The following RAB11FIP4 variants were observed in gnomAD, a reference collection of about 807,000 sequenced individuals.
The protein encoded by RAB11FIP4 is RAB11 family interacting protein 4.
In RAB11FIP4, 23 loss-of-function variants were observed where a neutral mutation model predicts 74.3. The observed-to-expected ratio is 0.31, with a 90% CI of 0.22 to 0.44. The LOEUF (loss-of-function observed/expected upper bound fraction) is 0.44, where lower values mean the gene tolerates loss of function less well. RAB11FIP4 is among the 20% of genes least tolerant of loss of function. The probability of loss-of-function intolerance (pLI) is 1.00; values close to 1 mark genes in which losing one functional copy is unlikely to be tolerated. For missense variants in RAB11FIP4, 630 were observed against 863.9 expected (o/e 0.73, Z 3.39); for synonymous variants, 360 against 359.9 (o/e 1.00, Z 0.00).
chr17:31,464,863 C>T (rs1186883992), intron 3 of RAB11FIP4, among the ~76,000 whole-genome samples: 1 of 147,976 alleles, frequency 6.8e-6, no homozygotes, highest in Non-Finnish European at 1.5e-5. Flanking sequence ...CAGGCTCAGG[C>T]AATAGTCCCA....
Position 31,527,462 on chromosome 17 carries a change from G to C in RAB11FIP4, c.1275-380G>C, listed in dbSNP as rs186493738. The C allele has an allele frequency of 2.3e-3, 409 of 177,306 alleles. 1 individual carries two copies. The highest frequency in any genetic ancestry group is 6.2e-3 in the Admixed American group (100 of 16,178). 11.0% of individuals were successfully genotyped at this position (177,306 alleles called of 1,614,324 possible). A position where few individuals can be genotyped will look rare whatever the true frequency, so the allele number is the denominator to read the frequency against. ...CTAAAAATACACAAATTAGCTAGGC[G>C]TGGTGGTGCATGCCTCTAATCCCAG... is the stretch of plus-strand genomic sequence containing the variant. On this transcript the variant is annotated intron_variant, in intron 10 of 14. Coordinates refer to ENST00000621161, the MANE Select transcript of RAB11FIP4 (RefSeq NM_032932.6).
chr17:31,495,593 C>T (rs570307943), intron 3 of RAB11FIP4, among the ~76,000 whole-genome samples: 12 of 152,144 alleles, frequency 7.9e-5, no homozygotes, highest in African/African-American at 2.6e-4. Context: ...AACTTCTAGG[C>T]GCAAGCAATC....
chr17:31,404,695 A>C (rs2071026844), intron 1 of RAB11FIP4, among the ~76,000 whole-genome samples: 1 of 152,188 alleles, frequency 6.6e-6, no homozygotes, highest in African/African-American at 2.4e-5. Flanking sequence ...GAGGGTATAC[A>C]GATGAGTAAG....
intron 1 of RAB11FIP4, among the ~76,000 whole-genome samples, chr17:31,422,413 T>C (rs577712456): frequency 1.3e-5 from 2 of 152,376 alleles, no homozygotes; most frequent in South Asian, 4.1e-4. Context: ...AGATTTTCTA[T>C]CTAACTGGTT....
chr17:31,437,587 C>T (rs933648822), intron 3 of RAB11FIP4, among the ~76,000 whole-genome samples: 2 of 152,190 alleles, frequency 1.3e-5, no homozygotes, highest in Admixed American at 6.5e-5. Context: ...GGATGGCAGG[C>T]GCTCCATCCC....
At chr17:31,394,794 G>A (rs2070911825) in intron 1 of RAB11FIP4, among the ~76,000 whole-genome samples, 2 of 152,088 alleles carry the variant, frequency 1.3e-5, no homozygotes, top group South Asian at 4.1e-4. Context: ...GGGCCCCGAG[G>A]CACTTGTAGG....
rs769732414 is a variant in RAB11FIP4, at chr17:31,523,575, C to T, written c.993C>T (p.Asp331=). The T allele has an allele frequency of 2.2e-5, 36 of 1,614,010 alleles. No individual in the cohort carries two copies. The highest frequency in any genetic ancestry group is 3.0e-5 in the Non-Finnish European group (35 of 1,180,000). ...GCAGCACCGAAGACCTGTTCCGGGA[C>T]AGCATTGACTCTTGCGACAATGACA... The part of the protein sequence containing the change: ...SNGSTEDLFR[D]SIDSCDNDIT... Residue 331 remains aspartate, a synonymous_variant, in exon 8 of 15, where the codon GAC becomes GAT. Coordinates refer to ENST00000621161, the MANE Select transcript of RAB11FIP4 (RefSeq NM_032932.6).
chr17:31,525,200 A>G lies in RAB11FIP4; in HGVS notation c.1244A>G (p.Lys415Arg). ...GCCTACGGCAAGCTGGAGAGGGAGA[A>G]GGCTACCGAGGTGGAGCTGCTCAAT... is the stretch of plus-strand genomic sequence containing the variant. ...REAYGKLEREKATEVELLNAR... is the reference protein window; with the variant it reads ...REAYGKLERERATEVELLNAR... Residue 415 changes from lysine (K) to arginine (R), a missense_variant, in exon 10 of 15, where the codon AAG becomes AGG. Coordinates refer to ENST00000621161, the MANE Select transcript of RAB11FIP4 (RefSeq NM_032932.6). 6.5e-7 allele frequency: 1 copy of G among 1,548,524 alleles called. No individual in the cohort carries two copies.
chr17:31,477,340 T>A (rs901153588), intron 3 of RAB11FIP4, among the ~76,000 whole-genome samples: 5 of 152,192 alleles, frequency 3.3e-5, no homozygotes, highest in African/African-American at 1.2e-4. Flanking sequence ...AGGGGGCACT[T>A]ACCTGGTGGG....
At chr17:31,481,398 C>T (rs2071847719) in intron 3 of RAB11FIP4, among the ~76,000 whole-genome samples, 1 of 152,110 alleles carries the variant, frequency 6.6e-6, no homozygotes, top group African/African-American at 2.4e-5. Flanking sequence ...AAAGGGTTGT[C>T]CACTCCTGAA....
intron 3 of RAB11FIP4, among the ~76,000 whole-genome samples, chr17:31,477,180 C>T (rs1026345448): frequency 3.9e-5 from 6 of 152,372 alleles, no homozygotes; most frequent in Non-Finnish European, 7.3e-5. Context: ...GAGTTACAAG[C>T]CCTTCAGTGT....
chr17:31,519,504 G>A (rs1379786002), intron 4 of RAB11FIP4, among the ~76,000 whole-genome samples: 1 of 152,120 alleles, frequency 6.6e-6, no homozygotes, highest in Non-Finnish European at 1.5e-5. Context: ...CAAGTCTCTC[G>A]AGGGATACAG....
intron 7 of RAB11FIP4, 48 bp from the exon 8 acceptor site, chr17:31,523,464 G>A (rs199913377): frequency 4.1e-6 from 6 of 1,477,040 alleles, no homozygotes; most frequent in Non-Finnish European, 4.7e-6. Context: ...GTAGGCCCCT[G>A]TCTCTGGAAG....
chr17:31,447,271 G>A (rs554411253), intron 3 of RAB11FIP4, among the ~76,000 whole-genome samples: 1 of 152,176 alleles, frequency 6.6e-6, no homozygotes, highest in African/African-American at 2.4e-5. Context: ...GCCACAGAGC[G>A]TGAGACTCCG....
chr17:31,431,925 C>G (rs1285483525), intron 2 of RAB11FIP4, 25 bp downstream of exon 2: 1 of 1,557,350 alleles, frequency 6.4e-7, no homozygotes, highest in South Asian at 1.1e-5. Flanking sequence ...GGAGGCTTTC[C>G]CAGGCGCTCT....
chr17:31,519,642 T>C (rs181588460), intron 4 of RAB11FIP4, among the ~76,000 whole-genome samples: 16 of 152,312 alleles, frequency 1.1e-4, no homozygotes, highest in Admixed American at 1.0e-3. Context: ...AGAGAGGGGT[T>C]CCCATGTTGG....
chr17:31,500,478 G>A (rs1353732583), intron 3 of RAB11FIP4, among the ~76,000 whole-genome samples: 2 of 152,208 alleles, frequency 1.3e-5, no homozygotes, highest in African/African-American at 4.8e-5. Context: ...AGCGCTGCTG[G>A]TCACAGAGGC....
At chr17:31,472,448 C>A (rs185382272) in intron 3 of RAB11FIP4, among the ~76,000 whole-genome samples, 1 of 152,210 alleles carries the variant, frequency 6.6e-6, no homozygotes, top group Admixed American at 6.5e-5. Context: ...CGGCCACAGG[C>A]GGCCCCAGCG....
intron 3 of RAB11FIP4, chr17:31,488,244 T>G (rs1597948428): frequency 4.3e-6 from 5 of 1,161,248 alleles, no homozygotes; most frequent in Non-Finnish European, 5.3e-6. Context: ...GGCCCGCGGA[T>G]GCGCACCCCG....
Sources: gnomAD v4.1 joint callset for allele counts (sites outside exome capture counted in the v4.1 genomes callset) on GRCh38, gnomAD v4.1.1 for gene constraint, MANE v1.5 for transcripts, NCBI Gene and HGNC (gene_info 2026-07-23, HGNC 2026-07-21) for gene names.